SLC22A15: variants seen among roughly 807,000 people sequenced by gnomAD.
The protein encoded by SLC22A15 is flipt 1.
Under a neutral mutation model 62.7 loss-of-function variants are expected in SLC22A15, and 45 were observed. The observed-to-expected ratio is 0.72, with a 90% CI of 0.56 to 0.92. The LOEUF (loss-of-function observed/expected upper bound fraction) is 0.92. Among genes scored for constraint, SLC22A15 ranks in the 40% least tolerant of loss-of-function variants. SLC22A15 has a pLI of 0.00. For missense variants in SLC22A15, 622 were observed against 665.6 expected (o/e 0.93, Z 0.72); for synonymous variants, 264 against 267.0 (o/e 0.99, Z 0.11).
At chr1:116,032,223 G>A in intron 6 of SLC22A15, 1 of 985,440 alleles carries the variant, frequency 1.0e-6, no homozygotes, top group Non-Finnish European at 1.2e-6. Flanking sequence ...CTCTCAGCGT[G>A]AGTGTAAGTT....
intron 8 of SLC22A15, among the ~76,000 whole-genome samples, chr1:116,053,681 G>A (rs1278319883): frequency 6.6e-6 from 1 of 152,210 alleles, no homozygotes; most frequent in Non-Finnish European, 1.5e-5. Context: ...ACAAAGGGAA[G>A]CCCATCAGAC....
intron 6 of SLC22A15, chr1:116,031,835 C>T (rs1657416183): frequency 5.3e-6 from 7 of 1,330,238 alleles, no homozygotes; most frequent in Non-Finnish European, 1.9e-6. Flanking sequence ...AGAAGCACAT[C>T]TTTGCTTTTG....
chr1:115,979,023 T>C (rs575142691), intron 1 of SLC22A15, among the ~76,000 whole-genome samples: 2 of 152,270 alleles, frequency 1.3e-5, no homozygotes, highest in Admixed American at 1.3e-4. Flanking sequence ...GATTTGATAA[T>C]GATTAACCCC....
chr1:116,017,120 A>G (rs1187121869), intron 2 of SLC22A15, among the ~76,000 whole-genome samples: 3 of 152,128 alleles, frequency 2.0e-5, no homozygotes, highest in Admixed American at 6.5e-5. Flanking sequence ...GTGTGTTTTC[A>G]CCTGGGGCCA....
chr1:116,051,071 A>C (rs547599833), intron 8 of SLC22A15, among the ~76,000 whole-genome samples: 1 of 152,226 alleles, frequency 6.6e-6, no homozygotes, highest in South Asian at 2.1e-4. Flanking sequence ...GAAATCATAG[A>C]TTACACAAAT....
chr1:115,979,257 C>T, intron 1 of SLC22A15, among the ~76,000 whole-genome samples: 1 of 152,192 alleles, frequency 6.6e-6, no homozygotes, highest in Admixed American at 6.5e-5. Flanking sequence ...TGTAGATCAT[C>T]AAAAGTTACT....
chr1:116,066,594 A>G lies in SLC22A15; in HGVS notation c.1440A>G (p.Leu480=), dbSNP rs1431596416. ...TGLTSGLLSL[L]LPETLNSPLL... ...TGACCTCCGGCCTCCTGAGTTTGTTATTGCCGGAGACCCTTAACAGTCCGC... is the reference window on the plus strand; with the variant it reads ...TGACCTCCGGCCTCCTGAGTTTGTTGTTGCCGGAGACCCTTAACAGTCCGC... Residue 480 remains leucine (L), a synonymous_variant, in exon 11 of 12, where the codon TTA becomes TTG. Transcript: ENST00000369503. The G allele has an allele frequency of 1.2e-6, 2 of 1,608,828 alleles. No homozygotes were observed. Among genetic ancestry groups the G allele is most frequent in the Non-Finnish European group, 1.7e-6 (2 of 1,177,730 alleles).
intron 2 of SLC22A15, chr1:116,013,899 C>T (rs1656399208): frequency 6.6e-6 from 1 of 152,300 alleles, no homozygotes; most frequent in South Asian, 2.1e-4. Context: ...CTATATCCAG[C>T]ATGAATCCTT....
At chr1:116,016,071 T>A (rs1190746443) in intron 2 of SLC22A15, among the ~76,000 whole-genome samples, 1 of 152,082 alleles carries the variant, frequency 6.6e-6, no homozygotes, top group Non-Finnish European at 1.5e-5. Context: ...ACTTTCTTTC[T>A]CTTTCTTTTT....
At chr1:116,045,816 A>G (rs960263845) in intron 8 of SLC22A15, among the ~76,000 whole-genome samples, 1 of 151,578 alleles carries the variant, frequency 6.6e-6, no homozygotes, top group African/African-American at 2.4e-5. Context: ...GAATGTCTCT[A>G]TAGATAATGG....
intron 4 of SLC22A15, among the ~76,000 whole-genome samples, chr1:116,024,328 G>A (rs1408665609): frequency 2.0e-5 from 3 of 152,134 alleles, no homozygotes; most frequent in South Asian, 4.2e-4. Context: ...TACTGGTACC[G>A]TTTACAAAAA....
intron 1 of SLC22A15, among the ~76,000 whole-genome samples, chr1:115,979,636 A>C (rs1654514968): frequency 6.6e-6 from 1 of 152,192 alleles, no homozygotes; most frequent in African/African-American, 2.4e-5. Context: ...TCTGATGGTG[A>C]TTCCGAGTTG....
chr1:116,061,024 T>G (rs1658366984), intron 8 of SLC22A15, among the ~76,000 whole-genome samples: 1 of 152,194 alleles, frequency 6.6e-6, no homozygotes, highest in Admixed American at 6.5e-5. Context: ...CTCCCTCCTT[T>G]CAAGTTGAGA....
At chr1:116,058,175 C>CA (rs1484612094) in intron 8 of SLC22A15, among the ~76,000 whole-genome samples, 4 of 151,842 alleles carry the variant, frequency 2.6e-5, no homozygotes, top group African/African-American at 9.7e-5. Flanking sequence ...GCAGAGTAAA[C>CA]AGACAACCCA....
intron 1 of SLC22A15, among the ~76,000 whole-genome samples, chr1:115,978,227 G>A (rs1406661316): frequency 6.6e-6 from 1 of 151,934 alleles, no homozygotes; most frequent in African/African-American, 2.4e-5. Flanking sequence ...TTCACTTCCT[G>A]TTATCATTTT....
At chr1:116,064,874 A>G (rs1044430120) in intron 10 of SLC22A15, among the ~76,000 whole-genome samples, 1 of 152,188 alleles carries the variant, frequency 6.6e-6, no homozygotes, top group Non-Finnish European at 1.5e-5. Context: ...CATAGTAACC[A>G]TAAGAGGAAG....
rs1416171100 is a variant in SLC22A15, at chr1:115,976,528, G to C, written c.-100G>C. On this transcript the variant is annotated 5_prime_UTR_variant, in exon 1 of 12. Coordinates refer to ENST00000369503, the MANE Select transcript of SLC22A15 (RefSeq NM_018420.3). The stretch of plus-strand genomic sequence containing the variant: ...CAGCGCTTCCATCCCCGCCCCGGCG[G>C]GTCCAAGCCGGTGCCGGGCGCCCAG... 1 of 647,246 alleles carries C rather than the reference G, an allele frequency of 1.5e-6. No individual in the cohort carries two copies. The highest frequency in any genetic ancestry group is 3.6e-5 in the South Asian group (1 of 27,722). The allele number at this position is 647,246 out of a possible 1,614,324, so 40.1% of individuals were successfully genotyped here. A position where few individuals can be genotyped will look rare whatever the true frequency, so the allele number is the denominator to read the frequency against.
intron 1 of SLC22A15, among the ~76,000 whole-genome samples, chr1:115,982,360 A>T (rs1168758909): frequency 6.6e-6 from 1 of 152,182 alleles, no homozygotes; most frequent in Non-Finnish European, 1.5e-5. Context: ...GCATGCTCAC[A>T]TTTTGGTGTA....
Position 116,055,152 on chromosome 1 carries a change from C to T in SLC22A15, c.1172-7610C>T, listed in dbSNP as rs1374891727. ...GAAAGGATCAACAAAATTGATAGAC[C>T]GCTAGCAAGACTAATAAAGAAAAAA... On this transcript the variant is annotated intron_variant, in intron 8 of 11. Transcript: ENST00000369503. 6.7e-5 allele frequency among the ~76,000 whole-genome samples: 10 copies of T among 148,808 alleles called. No homozygotes were observed. In the East Asian group the frequency reaches 1.8e-3, roughly 26 times the overall value.
Sources: gnomAD v4.1 joint callset for allele counts (sites outside exome capture counted in the v4.1 genomes callset) on GRCh38, gnomAD v4.1.1 for gene constraint, MANE v1.5 for transcripts, NCBI Gene and HGNC (gene_info 2026-07-23, HGNC 2026-07-21) for gene names.